The following PRELID2 variants were observed in gnomAD, a reference collection of about 807,000 sequenced individuals.
PRELID2 encodes PRELI domain containing 2.
A neutral mutation model predicts 28.4 loss-of-function variants in PRELID2; 25 were observed. The observed-to-expected ratio is 0.88, with a 90% CI of 0.64 to 1.23. The LOEUF (loss-of-function observed/expected upper bound fraction) is 1.23. Among genes scored for constraint, PRELID2 ranks in the 50% most tolerant of loss-of-function variants. The pLI is 0.00. For missense variants in PRELID2, 201 were observed against 214.4 expected, an observed-to-expected ratio of 0.94 and a Z score of 0.39; for synonymous variants, 76 against 71.6, an observed-to-expected ratio of 1.06 and a Z score of -0.31.
the PRELID2 span, among the ~76,000 whole-genome samples, chr5:145,374,724 G>T: frequency 4.6e-5 from 7 of 151,832 alleles, no homozygotes; most frequent in Admixed American, 1.3e-4. Context: ...CCTTATTTCA[G>T]CAAGGTGGCC....
At chr5:145,269,856 TTA>T in the PRELID2 span, among the ~76,000 whole-genome samples, 1 of 147,474 alleles carries the variant, frequency 6.8e-6, no homozygotes, top group Admixed American at 6.8e-5. Context: ...AAATTCAATT[TTA>T]TATATATACA....
chr5:145,737,735 A>G (rs903337534), intron 1 of PRELID2, among the ~76,000 whole-genome samples: 10 of 151,980 alleles, frequency 6.6e-5, no homozygotes, highest in Non-Finnish European at 1.5e-4. Flanking sequence ...CATAACCCAC[A>G]CTGGCAAGGG....
At chr5:145,661,808 C>G in intron 1 of PRELID2, among the ~76,000 whole-genome samples, 1 of 151,800 alleles carries the variant, frequency 6.6e-6, no homozygotes, top group African/African-American at 2.4e-5. Context: ...GAATGTGACC[C>G]AGGATACTGC....
At chr5:145,299,431 G>A in the PRELID2 span, among the ~76,000 whole-genome samples, 1 of 151,746 alleles carries the variant, frequency 6.6e-6, no homozygotes, top group Non-Finnish European at 1.5e-5. Context: ...TATTTTCAGG[G>A]GAATTTTGCA....
At chr5:145,257,950 C>T in the PRELID2 span, among the ~76,000 whole-genome samples, 11 of 152,240 alleles carry the variant, frequency 7.2e-5, no homozygotes, top group Admixed American at 2.6e-4. Context: ...GTACTGCTGT[C>T]GTGACAGTAA....
chr5:145,745,866 A>AAAAAAAAAATG (rs1554088709), intron 1 of PRELID2, among the ~76,000 whole-genome samples: 3 of 150,872 alleles, frequency 2.0e-5, no homozygotes, highest in African/African-American at 7.3e-5. Flanking sequence ...TCATCTCAAA[A>AAAAAAAAAATG]AAAAAAATGA....
At chr5:145,384,659 G>T in the PRELID2 span, among the ~76,000 whole-genome samples, 1 of 152,110 alleles carries the variant, frequency 6.6e-6, no homozygotes, top group Non-Finnish European at 1.5e-5. Context: ...TCCCAGTTTT[G>T]CAGGCTGTAT....
At chr5:145,822,106 A>G (rs1754870414) in intron 2 of PRELID2, among the ~76,000 whole-genome samples, 1 of 152,216 alleles carries the variant, frequency 6.6e-6, no homozygotes, top group South Asian at 2.1e-4. Flanking sequence ...CACACAATGA[A>G]CAGTAGCATC....
the PRELID2 span, among the ~76,000 whole-genome samples, chr5:145,286,856 T>C: frequency 2.2e-3 from 331 of 152,050 alleles, 2 homozygotes; most frequent in African/African-American, 7.7e-3. Flanking sequence ...ATTACAGGCA[T>C]GTGCCACAGC....
Position 145,764,899 on chromosome 5 carries a change from T to TA in PRELID2, c.*10+31dup, listed in dbSNP as rs147846982. ...GATAAGCATGAAAATATGGCTTGTGTAAATAATTCTGACTTTGCTTTTGGT... is the reference window on the plus strand; with the variant it reads ...GATAAGCATGAAAATATGGCTTGTGTAAAATAATTCTGACTTTGCTTTTGGT... On this transcript the variant is annotated intron_variant, in intron 6 of 6. Transcript: ENST00000683046. The TA allele has an allele frequency of 1.9e-3, 2,855 of 1,515,328 alleles. 51 individuals are homozygous for TA. In the African/African-American group the frequency reaches 0.034, roughly 18 times the overall value. 93.9% of individuals were successfully genotyped at this position (1,515,328 alleles called of 1,614,324 possible).
At chr5:145,604,364 C>T (rs1753465090) in intron 1 of PRELID2, among the ~76,000 whole-genome samples, 1 of 152,006 alleles carries the variant, frequency 6.6e-6, no homozygotes, top group Non-Finnish European at 1.5e-5. Flanking sequence ...TCTGTCTGTG[C>T]ACTAGTTCGC....
chr5:145,263,545 G>C, the PRELID2 span, among the ~76,000 whole-genome samples: 43 of 151,936 alleles, frequency 2.8e-4, no homozygotes, highest in African/African-American at 7.7e-4. Flanking sequence ...GAAACAAAAA[G>C]CTGGTTCTTT....
the PRELID2 span, among the ~76,000 whole-genome samples, chr5:145,440,443 C>T: frequency 6.6e-6 from 1 of 152,052 alleles, no homozygotes; most frequent in Non-Finnish European, 1.5e-5. Flanking sequence ...CGAATAATAG[C>T]CAATGTGCCT....
At chr5:145,633,280 T>C (rs924427564) in intron 1 of PRELID2, among the ~76,000 whole-genome samples, 3 of 152,182 alleles carry the variant, frequency 2.0e-5, no homozygotes, top group African/African-American at 7.2e-5. Flanking sequence ...TAATTTGTTA[T>C]GCAGCAAATT....
intron 1 of PRELID2, among the ~76,000 whole-genome samples, chr5:145,685,335 G>C (rs764269426): frequency 8.5e-5 from 13 of 152,080 alleles, no homozygotes; most frequent in Non-Finnish European, 8.8e-5. Context: ...AACAACTTTC[G>C]GTTTCTCTGA....
the PRELID2 span, among the ~76,000 whole-genome samples, chr5:145,396,127 A>G: frequency 1.3e-5 from 2 of 152,208 alleles, no homozygotes; most frequent in South Asian, 2.1e-4. Context: ...AGACCGCTTA[A>G]TACTAGTTCA....
chr5:145,265,039 T>C, the PRELID2 span, among the ~76,000 whole-genome samples: 4 of 149,992 alleles, frequency 2.7e-5, no homozygotes, highest in African/African-American at 9.8e-5. Flanking sequence ...ATGACATGAT[T>C]GTATATTTAG....
At chr5:145,734,531 TAC>T (rs1475297754) in intron 1 of PRELID2, among the ~76,000 whole-genome samples, 1 of 152,182 alleles carries the variant, frequency 6.6e-6, no homozygotes, top group Non-Finnish European at 1.5e-5. Flanking sequence ...ACCAAAAGTC[TAC>T]CAATGAATAA....
chr5:145,817,328 T>TA (rs528944857), intron 4 of PRELID2, among the ~76,000 whole-genome samples: 274 of 142,910 alleles, frequency 1.9e-3, no homozygotes, highest in African/African-American at 6.6e-3. Flanking sequence ...AAAAAGAACT[T>TA]AGATACCATC....
Sources: gnomAD v4.1 joint callset for allele counts (sites outside exome capture counted in the v4.1 genomes callset) on GRCh38, gnomAD v4.1.1 for gene constraint, MANE v1.5 for transcripts, NCBI Gene and HGNC (gene_info 2026-07-23, HGNC 2026-07-21) for gene names.